The following FEZ2 variants were observed in gnomAD, a reference collection of about 807,000 sequenced individuals.
FEZ2 encodes the protein fasciculation and elongation protein zeta-2.
FEZ2 carries 51 observed loss-of-function variants against 40.4 expected under a neutral mutation model. The ratio of observed to expected loss-of-function variants is 1.26; its 90% CI spans 1.01 to 1.59. The LOEUF (loss-of-function observed/expected upper bound fraction) is 1.59. Ranked by LOEUF, FEZ2 falls within the 40% of genes most tolerant of loss-of-function variation. The pLI is 0.00. For synonymous variants in FEZ2, 242 were observed against 172.0 expected (o/e 1.41, Z -3.18); for missense variants, 640 against 438.3 (o/e 1.46, Z -4.11).
chr2:36,561,747 T>G (rs1166975096), intron 5 of FEZ2, among the ~76,000 whole-genome samples: 2 of 152,196 alleles, frequency 1.3e-5, no homozygotes, highest in Non-Finnish European at 2.9e-5. Flanking sequence ...AGTGAAGGCC[T>G]GACTCACTTG....
chr2:36,591,160 A>C (rs966541053), intron 1 of FEZ2, 149 bp from the exon 2 acceptor site: 1 of 624,754 alleles, frequency 1.6e-6, no homozygotes, highest in Non-Finnish European at 2.9e-6. Context: ...TCAACAAAGT[A>C]GAGTCTCCTA....
At chr2:36,582,304 G>C (rs1020887713) in intron 3 of FEZ2, among the ~76,000 whole-genome samples, 11 of 152,056 alleles carry the variant, frequency 7.2e-5, no homozygotes, top group Non-Finnish European at 1.5e-4. Flanking sequence ...GAATTAACAA[G>C]CTTAACAGGT....
At chr2:36,586,822 G>T (rs1385792123) in intron 2 of FEZ2, among the ~76,000 whole-genome samples, 3 of 151,986 alleles carry the variant, frequency 2.0e-5, no homozygotes, top group Non-Finnish European at 2.9e-5. Context: ...CGGTACTCGT[G>T]TGTAGTCTAG....
At chr2:36,576,283 T>C (rs1006096449) in intron 5 of FEZ2, among the ~76,000 whole-genome samples, 3 of 151,910 alleles carry the variant, frequency 2.0e-5, no homozygotes, top group Admixed American at 6.6e-5. Flanking sequence ...TTATTTTTTT[T>C]TTTTGAGACA....
At chr2:36,570,355 C>T (rs187694177) in intron 5 of FEZ2, among the ~76,000 whole-genome samples, 35 of 152,082 alleles carry the variant, frequency 2.3e-4, no homozygotes, top group African/African-American at 7.9e-4. Context: ...ATACAAAGAT[C>T]TTCAAAATTA....
chr2:36,579,178 C>T (rs1404253052), intron 4 of FEZ2: 6 of 252,068 alleles, frequency 2.4e-5, no homozygotes, highest in Non-Finnish European at 1.5e-5. Flanking sequence ...ACTGTGAAGG[C>T]TTGTACACGG....
intron 5 of FEZ2, chr2:36,560,909 G>T: frequency 1.6e-6 from 2 of 1,263,560 alleles, no homozygotes; most frequent in Non-Finnish European, 2.3e-6. Flanking sequence ...GACAGAGAAA[G>T]AAGTTCAAAG....
chr2:36,576,510 A>G lies in FEZ2; in HGVS notation c.903+2087T>C, dbSNP rs1416947242. ...GGTCTTGAACTCCTGACGTCAGGTGATCCGCCCACCTTGGCCTCCCAAAGT... is the reference window on the plus strand; with the variant it reads ...GGTCTTGAACTCCTGACGTCAGGTGGTCCGCCCACCTTGGCCTCCCAAAGT... On this transcript the variant is annotated intron_variant, in intron 5 of 7. Coordinates refer to ENST00000405912, the MANE Select transcript of FEZ2 (RefSeq NM_005102.3). 8.5e-5 allele frequency among the ~76,000 whole-genome samples: 13 copies of G among 152,154 alleles called. 1 individual carries two copies. Among genetic ancestry groups the G allele is most frequent in the Admixed American group, 8.5e-4 (13 of 15,278 alleles).
intron 2 of FEZ2, among the ~76,000 whole-genome samples, chr2:36,588,442 G>C (rs907426408): frequency 9.9e-5 from 15 of 152,094 alleles, no homozygotes; most frequent in Non-Finnish European, 1.8e-4. Flanking sequence ...CAGCAAAAGG[G>C]AGCAACCTCC....
chr2:36,558,586 C>A, intron 5 of FEZ2, 73 bp from the exon 6 acceptor site: 1 of 766,174 alleles, frequency 1.3e-6, no homozygotes. Flanking sequence ...GATACTGTTA[C>A]TAGAAGGTCT....
At chr2:36,570,470 A>G (rs1486934889) in intron 5 of FEZ2, among the ~76,000 whole-genome samples, 1 of 152,206 alleles carries the variant, frequency 6.6e-6, no homozygotes, top group Non-Finnish European at 1.5e-5. Flanking sequence ...TATTTTCAAA[A>G]CCACTAAAAC....
chr2:36,578,475 G>C (rs548762331), intron 5 of FEZ2, 122 bp downstream of exon 5: 1 of 1,029,294 alleles, frequency 9.7e-7, no homozygotes, highest in South Asian at 1.6e-5. Context: ...ACTGGGCTCT[G>C]ATTAGAAGTG....
intron 1 of FEZ2, among the ~76,000 whole-genome samples, chr2:36,597,562 GCCCCA>G (rs1669263007): frequency 1.3e-5 from 2 of 151,976 alleles, no homozygotes; most frequent in Non-Finnish European, 2.9e-5. Context: ...CCCAGGAGGT[GCCCCA>G]GGAGGTGCCG....
At chr2:36,572,614 T>A (rs1020119633) in intron 5 of FEZ2, among the ~76,000 whole-genome samples, 1 of 152,200 alleles carries the variant, frequency 6.6e-6, no homozygotes, top group African/African-American at 2.4e-5. Context: ...TATAAATGAA[T>A]GAACATAGCT....
At chr2:36,590,855 T>C (rs756279265) in intron 2 of FEZ2, 48 bp downstream of exon 2, 1 of 1,038,752 alleles carries the variant, frequency 9.6e-7, no homozygotes, top group East Asian at 2.4e-5. Context: ...TTTAGTTCTA[T>C]TATCAGCATC....
chr2:36,581,098 G>C (rs1382747717), intron 4 of FEZ2, among the ~76,000 whole-genome samples, 192 bp downstream of exon 4: 1 of 152,122 alleles, frequency 6.6e-6, no homozygotes. Flanking sequence ...GCAGTGAGCT[G>C]AAATCATGCC....
rs1392769516 is a variant in FEZ2 at position 36,552,431 on chromosome 2, C to G, written c.*732G>C. On this transcript the variant is annotated 3_prime_UTR_variant, in exon 8 of 8. Coordinates refer to ENST00000405912, the MANE Select transcript of FEZ2 (RefSeq NM_005102.3). The stretch of plus-strand genomic sequence containing the variant: ...TGAGAATGGGCAGTTCTGCAGTGTA[C>G]ACTTTCTCAAGCACCTCAGAGGACA... The G allele has an allele frequency of 4.3e-5, 15 of 345,638 alleles. No individual in the cohort carries two copies. The highest frequency in any genetic ancestry group is 3.9e-4 in the Admixed American group (10 of 25,372). 21.4% of individuals were successfully genotyped at this position (345,638 alleles called of 1,614,324 possible).
chr2:36,558,564 T>G (rs1021471014), intron 5 of FEZ2, 51 bp from the exon 6 acceptor site: 23 of 1,128,406 alleles, frequency 2.0e-5, no homozygotes, highest in Non-Finnish European at 1.2e-5. Context: ...TTACCTTATC[T>G]GCAAAAAATT....
intron 2 of FEZ2, chr2:36,589,615 A>C (rs1335963058): frequency 6.6e-6 from 1 of 152,252 alleles, no homozygotes; most frequent in African/African-American, 2.4e-5. Context: ...AAGACAGAGC[A>C]AAAGATCCCT....
Sources: gnomAD v4.1 joint callset for allele counts (sites outside exome capture counted in the v4.1 genomes callset) on GRCh38, gnomAD v4.1.1 for gene constraint, MANE v1.5 for transcripts, NCBI Gene and HGNC (gene_info 2026-07-23, HGNC 2026-07-21) for gene names.